WDFY4: variants seen among roughly 807,000 people sequenced by gnomAD.
WDFY4 encodes WD repeat- and FYVE domain-containing protein 4.
Under a neutral mutation model 351.9 loss-of-function variants are expected in WDFY4, and 169 were observed. The ratio of observed to expected loss-of-function variants is 0.48; its 90% CI spans 0.42 to 0.55. The LOEUF is 0.55. WDFY4 is among the 20% of genes least tolerant of loss of function. WDFY4 has a pLI of 0.00. For missense variants in WDFY4, 3,803 were observed against 3,935.6 expected (o/e 0.97, Z 0.90); for synonymous variants, 1,622 against 1,574.6 (o/e 1.03, Z -0.71).
In WDFY4 at chr10:48,890,927, G is replaced by A. The variant is rs74904163; in HGVS notation, c.7316+200G>A. On this transcript the variant is annotated intron_variant, in intron 44 of 61. Transcript: ENST00000325239. ...TTCCCCTAAGCAGTGATCAGGACTG[G>A]GTACTAATGTGGCAGCTCCTCACAT... 3.3e-5 allele frequency among the ~76,000 whole-genome samples: 5 copies of A among 152,296 alleles called. No individual in the cohort carries two copies. The East Asian group carries it at 9.7e-4, about 29-fold the overall frequency.
intron 23 of WDFY4, among the ~76,000 whole-genome samples, chr10:48,793,469 A>G (rs2066748361): frequency 6.6e-6 from 1 of 152,208 alleles, no homozygotes. Context: ...GTGAAGAAAT[A>G]GTATTATTTT....
At chr10:48,927,618 C>G (rs1351889124) in intron 47 of WDFY4, among the ~76,000 whole-genome samples, 1 of 152,114 alleles carries the variant, frequency 6.6e-6, no homozygotes, top group Non-Finnish European at 1.5e-5. Context: ...TTTGTCTGCC[C>G]CTAGTATTAT....
At chr10:48,696,122 G>T (rs1354198312) in intron 1 of WDFY4, among the ~76,000 whole-genome samples, 1 of 152,204 alleles carries the variant, frequency 6.6e-6, no homozygotes, top group Non-Finnish European at 1.5e-5. Context: ...TTTGAAGCAG[G>T]TGTAGGGCCC....
At chr10:48,802,899 T>C in intron 24 of WDFY4, 1 of 472,962 alleles carries the variant, frequency 2.1e-6, no homozygotes, top group Non-Finnish European at 4.3e-6. Flanking sequence ...TGTCTCAGCC[T>C]CTATTTTCTC....
At chr10:48,904,626 T>C (rs763428831) in intron 47 of WDFY4, among the ~76,000 whole-genome samples, 12 of 152,302 alleles carry the variant, frequency 7.9e-5, no homozygotes, top group Non-Finnish European at 1.8e-4. Context: ...GGGGCACCGA[T>C]GCCCCCAACA....
chr10:48,757,882 G>A (rs57837101), intron 12 of WDFY4, among the ~76,000 whole-genome samples: 13,586 of 151,700 alleles, frequency 0.09, 714 homozygotes, highest in East Asian at 0.24. Context: ...CCTCTACGCC[G>A]TTCCCTCTAT....
chr10:48,829,002 C>G (rs941179792), intron 37 of WDFY4, 106 bp downstream of exon 37: 2 of 646,722 alleles, frequency 3.1e-6, no homozygotes, highest in African/African-American at 3.8e-5. Flanking sequence ...TCGTCCTTCC[C>G]GAAATAAGAA....
chr10:48,829,324 G>T (rs1163355302), intron 37 of WDFY4, among the ~76,000 whole-genome samples: 1 of 152,144 alleles, frequency 6.6e-6, no homozygotes, highest in Non-Finnish European at 1.5e-5. Context: ...AATGAGAAGG[G>T]ATTAAACAAA....
At chr10:48,880,518 T>C (rs538203857) in intron 43 of WDFY4, among the ~76,000 whole-genome samples, 3 of 152,334 alleles carry the variant, frequency 2.0e-5, no homozygotes, top group South Asian at 2.1e-4. Flanking sequence ...ACACACTGTT[T>C]GCTGTGCCAG....
At chr10:48,696,700 A>C (rs181822478) in intron 1 of WDFY4, among the ~76,000 whole-genome samples, 128 of 152,354 alleles carry the variant, frequency 8.4e-4, no homozygotes, top group African/African-American at 3.0e-3. Flanking sequence ...GCCCCAGAGC[A>C]CACTTACAAA....
rs146393838 is a variant in WDFY4, at chr10:48,901,674, G to C, written c.7524-127G>C. On this transcript the variant is annotated intron_variant, in intron 46 of 61. Coordinates refer to ENST00000325239, the MANE Select transcript of WDFY4 (RefSeq NM_001394531.1). ...CACCCAGGCCTGGTGTTCACGACCT[G>C]GGGGCAGGATGGAGCGAGGGGGAGC... is the stretch of plus-strand genomic sequence containing the variant. 7,361 of 1,004,648 alleles carry C rather than the reference G, an allele frequency of 7.3e-3. 51 individuals carry two copies. The highest frequency in any genetic ancestry group is 9.3e-3 in the Non-Finnish European group (6,118 of 660,258). 62.2% of individuals were successfully genotyped at this position (1,004,648 alleles called of 1,614,324 possible). A position where few individuals can be genotyped will look rare whatever the true frequency, so the allele number is the denominator to read the frequency against.
intron 21 of WDFY4, among the ~76,000 whole-genome samples, chr10:48,789,505 G>A (rs1397308344): frequency 6.6e-6 from 1 of 152,194 alleles, no homozygotes; most frequent in East Asian, 1.9e-4. Flanking sequence ...GGCTCCCAGA[G>A]CCTGAACAAC....
At chr10:48,815,934 T>C (rs191269628) in intron 31 of WDFY4, among the ~76,000 whole-genome samples, 6 of 152,184 alleles carry the variant, frequency 3.9e-5, no homozygotes, top group African/African-American at 1.4e-4. Context: ...ATCAGTATTA[T>C]GCTAATATTA....
intron 39 of WDFY4, among the ~76,000 whole-genome samples, chr10:48,840,472 C>T (rs113046269): frequency 0.058 from 8,770 of 151,492 alleles, 864 homozygotes; most frequent in African/African-American, 0.2. Flanking sequence ...CACACACACA[C>T]CCCCACTCTC....
At chr10:48,922,121 A>C (rs1839138238) in intron 47 of WDFY4, among the ~76,000 whole-genome samples, 1 of 152,174 alleles carries the variant, frequency 6.6e-6, no homozygotes, top group African/African-American at 2.4e-5. Flanking sequence ...CTTATCTGCT[A>C]TTTCCATTTC....
intron 17 of WDFY4, 57 bp from the exon 18 acceptor site, chr10:48,778,554 C>A: frequency 6.6e-7 from 1 of 1,505,900 alleles, no homozygotes; most frequent in Admixed American, 2.0e-5. Context: ...TGAATCTGAA[C>A]ATGCATGCTC....
chr10:48,741,716 C>T (rs796521109), intron 11 of WDFY4, among the ~76,000 whole-genome samples: 2 of 152,174 alleles, frequency 1.3e-5, no homozygotes, highest in African/African-American at 4.8e-5. Flanking sequence ...TATTTTTTCT[C>T]TGTGAACCTT....
At chr10:48,715,808 C>CTTTTTT (rs11101438) in intron 2 of WDFY4, among the ~76,000 whole-genome samples, 1 of 141,304 alleles carries the variant, frequency 7.1e-6, no homozygotes, top group Non-Finnish European at 1.5e-5. Context: ...CTTTTCTTTT[C>CTTTTTT]TTTTTTTTTT....
intron 35 of WDFY4, chr10:48,823,255 G>T (rs1418215675): frequency 1.5e-6 from 2 of 1,300,152 alleles, no homozygotes; most frequent in Non-Finnish European, 1.0e-6. Context: ...CCCTCCCTGT[G>T]ATGGGGAACC....
Sources: allele counts gnomAD v4.1 joint callset (sites outside exome capture counted in the v4.1 genomes callset), GRCh38; gene constraint gnomAD v4.1.1; transcripts MANE v1.5; gene names NCBI Gene and HGNC (gene_info 2026-07-23, HGNC 2026-07-21).